The following SMG6 variants were observed in gnomAD, a reference collection of about 807,000 sequenced individuals.
SMG6 encodes the protein SMG6 nonsense mediated mRNA decay factor.
A neutral mutation model predicts 142.2 loss-of-function variants in SMG6; 66 were observed. The ratio of observed to expected loss-of-function variants is 0.46; its 90% CI spans 0.38 to 0.57. SMG6 has a LOEUF of 0.57. SMG6 is among the 20% of genes least tolerant of loss of function. The pLI is 0.00. For synonymous variants in SMG6, 779 were observed against 702.4 expected, an observed-to-expected ratio of 1.11 and a Z score of -1.72; for missense variants, 1,793 against 1,832.0, an observed-to-expected ratio of 0.98 and a Z score of 0.39.
chr17:2,090,700 C>T (rs941496786), intron 13 of SMG6, among the ~76,000 whole-genome samples: 6 of 152,234 alleles, frequency 3.9e-5, no homozygotes, highest in African/African-American at 1.4e-4. Context: ...AACAGTCCAG[C>T]TTGCTACTGC....
chr17:2,242,234 C>T (rs1399112082), intron 9 of SMG6, among the ~76,000 whole-genome samples: 2 of 151,806 alleles, frequency 1.3e-5, no homozygotes, highest in African/African-American at 2.4e-5. Context: ...ATAAATAGGC[C>T]GGGCGCGGTG....
intron 10 of SMG6, among the ~76,000 whole-genome samples, chr17:2,207,343 T>C (rs1460855241): frequency 2.0e-5 from 3 of 152,116 alleles, no homozygotes; most frequent in African/African-American, 7.2e-5. Flanking sequence ...ATCAGTTTTA[T>C]TTCAAAATTA....
chr17:2,283,026 T>C (rs1488120899), intron 7 of SMG6, among the ~76,000 whole-genome samples, 167 bp from the exon 8 acceptor site: 2 of 151,996 alleles, frequency 1.3e-5, no homozygotes, highest in East Asian at 3.9e-4. Flanking sequence ...CAAAATTAGC[T>C]GGGTGTGGTG....
At chr17:2,202,723 T>C (rs1185991566) in intron 10 of SMG6, among the ~76,000 whole-genome samples, 3 of 152,220 alleles carry the variant, frequency 2.0e-5, no homozygotes, top group Non-Finnish European at 4.4e-5. Context: ...GTATTTTATC[T>C]AACACTCAGA....
At chr17:2,088,861 G>C (rs2151442466) in intron 13 of SMG6, 1 of 984,758 alleles carries the variant, frequency 1.0e-6, no homozygotes, top group East Asian at 1.1e-4. Context: ...GCCCACTGGG[G>C]AGAGGACCAC....
At chr17:2,141,235 A>G (rs1439973895) in intron 13 of SMG6, among the ~76,000 whole-genome samples, 2 of 152,238 alleles carry the variant, frequency 1.3e-5, no homozygotes, top group African/African-American at 4.8e-5. Flanking sequence ...ATCATTACAT[A>G]AAGTCCTATA....
chr17:2,234,460 G>A (rs1179300141), intron 10 of SMG6, among the ~76,000 whole-genome samples: 3 of 151,318 alleles, frequency 2.0e-5, no homozygotes, highest in East Asian at 4.0e-4. Flanking sequence ...ACAGGGTTTC[G>A]CCATGTTGGC....
intron 10 of SMG6, among the ~76,000 whole-genome samples, chr17:2,225,339 GAA>G (rs1299267889): frequency 1.5e-5 from 2 of 134,306 alleles, no homozygotes. Context: ...AAGAAAAAAA[GAA>G]AAAAAAAAAA....
At position 2,068,935 on chromosome 17, in the gene SMG6, T is replaced by C. The variant is rs948161891; in HGVS notation, c.3682-4A>G. 7 of 1,613,846 alleles carry C rather than the reference T, an allele frequency of 4.3e-6. No homozygotes were observed. Among genetic ancestry groups the C allele is most frequent in the Non-Finnish European group, 5.9e-6 (7 of 1,179,912 alleles). Reference sequence around the variant, plus strand: ...GACTGTGGTCCTCCAGGACAGCCTATGGGGACAGAGTGGTGAATGAGCCAG... The same window carrying C: ...GACTGTGGTCCTCCAGGACAGCCTACGGGGACAGAGTGGTGAATGAGCCAG... On this transcript the variant is annotated splice_polypyrimidine_tract_variant and splice_region_variant and intron_variant, in intron 15 of 18. Transcript: ENST00000263073. The surrounding 1 kb of genome is among the most constrained non-coding windows in gnomAD (Gnocchi z 6.7).
chr17:2,237,552 C>T, intron 9 of SMG6: 1 of 985,506 alleles, frequency 1.0e-6, no homozygotes, highest in Non-Finnish European at 1.2e-6. Flanking sequence ...TCCTCCCTCT[C>T]ACAAGGCTCT....
intron 8 of SMG6, among the ~76,000 whole-genome samples, chr17:2,252,868 C>T (rs1567719941): frequency 6.6e-6 from 1 of 151,748 alleles, no homozygotes; most frequent in Non-Finnish European, 1.5e-5. Context: ...AGCCTGCCAC[C>T]TGTTTTTGTA....
At chr17:2,289,674 G>T (rs967857728) in intron 6 of SMG6, among the ~76,000 whole-genome samples, 1 of 152,018 alleles carries the variant, frequency 6.6e-6, no homozygotes, top group African/African-American at 2.4e-5. Flanking sequence ...CCAGTGTGAG[G>T]CTGAGGTAGG....
intron 1 of SMG6, chr17:2,303,386 G>A (rs1191227618): frequency 1.4e-5 from 17 of 1,237,664 alleles, no homozygotes; most frequent in South Asian, 3.4e-5. Context: ...CCTTCGCGGC[G>A]AGAAAGAGGG....
intron 10 of SMG6, among the ~76,000 whole-genome samples, chr17:2,213,254 T>C (rs1268813627): frequency 6.6e-6 from 1 of 152,198 alleles, no homozygotes; most frequent in Non-Finnish European, 1.5e-5. Flanking sequence ...GCTCCTCCAA[T>C]GGAGAGGTAA....
At chr17:2,096,395 G>C (rs1338715278) in intron 13 of SMG6, among the ~76,000 whole-genome samples, 2 of 152,198 alleles carry the variant, frequency 1.3e-5, no homozygotes, top group African/African-American at 4.8e-5. Flanking sequence ...TTTTAATAGA[G>C]ATGTGGTTTC....
intron 8 of SMG6, among the ~76,000 whole-genome samples, chr17:2,247,022 T>C (rs1289490077): frequency 1.3e-5 from 2 of 152,152 alleles, no homozygotes; most frequent in African/African-American, 2.4e-5. Flanking sequence ...AAATTGCCCA[T>C]GGCTACACCA....
intron 13 of SMG6, among the ~76,000 whole-genome samples, chr17:2,138,457 A>G (rs1304767021): frequency 6.6e-6 from 1 of 152,198 alleles, no homozygotes; most frequent in Non-Finnish European, 1.5e-5. Flanking sequence ...GTGCCCAGCC[A>G]GACTAAATGA....
chr17:2,276,252 T>A (rs1171597417), intron 8 of SMG6, among the ~76,000 whole-genome samples: 1 of 152,142 alleles, frequency 6.6e-6, no homozygotes, highest in Non-Finnish European at 1.5e-5. Context: ...GAGAACTGCA[T>A]CCAGTTGAAT....
chr17:2,085,946 G>A lies in SMG6; in HGVS notation c.3358-45C>T, dbSNP rs746903204. The A allele has an allele frequency of 3.1e-6, 5 of 1,589,094 alleles. No individual in the cohort carries two copies. Among genetic ancestry groups the A allele is most frequent in the Non-Finnish European group, 4.3e-6 (5 of 1,158,618 alleles). ...GAAGAAAAACAGCATTTTCTGAAAGGGAAGATGGAGACGAGATGTTGCTTG... is the reference window on the plus strand; with the variant it reads ...GAAGAAAAACAGCATTTTCTGAAAGAGAAGATGGAGACGAGATGTTGCTTG... On this transcript the variant is annotated intron_variant, in intron 13 of 18. Transcript: ENST00000263073. The surrounding 1 kb of genome is among the most constrained non-coding windows in gnomAD (Gnocchi z 4.1).
Sources: gnomAD v4.1 joint callset for allele counts (sites outside exome capture counted in the v4.1 genomes callset) on GRCh38, gnomAD v4.1.1 for gene constraint, Gnocchi (gnomAD v3.1) non-coding constraint, MANE v1.5 for transcripts, NCBI Gene and HGNC (gene_info 2026-07-23, HGNC 2026-07-21) for gene names.